Variants in PCSK6 observed in about 807,000 individuals in gnomAD.
The protein encoded by PCSK6 is paired basic amino acid cleaving enzyme 4.
PCSK6 carries 85 observed loss-of-function variants against 123.3 expected under a neutral mutation model. The ratio of observed to expected loss-of-function variants is 0.69; its 90% CI spans 0.58 to 0.83. The LOEUF is 0.83. Among genes scored for constraint, PCSK6 ranks in the 40% least tolerant of loss-of-function variants. PCSK6 has a pLI of 0.00. For missense variants in PCSK6, 1,191 were observed against 1,282.3 expected (o/e 0.93, Z 1.09); for synonymous variants, 508 against 516.0 (o/e 0.98, Z 0.21).
At chr15:101,427,840 G>T in intron 6 of PCSK6, 52 bp downstream of exon 6, 2 of 1,415,036 alleles carry the variant, frequency 1.4e-6, no homozygotes, top group Non-Finnish European at 1.9e-6. Context: ...GGAGCTCCCA[G>T]CTGCCCCTGC....
rs139778107 is a variant in PCSK6, at chr15:101,355,725, G to C, written c.1858+10471C>G. Among the ~76,000 whole-genome samples the C allele has an allele frequency of 4.7e-3, 713 of 152,386 alleles. 2 individuals carry two copies. Among genetic ancestry groups the C allele is most frequent in the Middle Eastern group, 0.017 (5 of 294 alleles). The stretch of plus-strand genomic sequence containing the variant: ...AGAGCACTTTGCATGCATCCGGCAT[G>C]CCCATGGGGGCCCCAGGTCATGAGG... On this transcript the variant is annotated intron_variant, in intron 13 of 21. Transcript: ENST00000611716.
At chr15:101,347,308 C>A (rs1406126338) in intron 13 of PCSK6, 15 of 1,233,308 alleles carry the variant, frequency 1.2e-5, no homozygotes, top group Non-Finnish European at 1.5e-5. Context: ...CAATAAAACA[C>A]AGATCAAGAT....
At chr15:101,412,092 A>T (rs1055926089) in intron 6 of PCSK6, among the ~76,000 whole-genome samples, 11 of 152,274 alleles carry the variant, frequency 7.2e-5, no homozygotes, top group African/African-American at 2.6e-4. Context: ...GAGACTTCCC[A>T]CGCTTGGGTA....
In PCSK6 at chr15:101,483,075, C is replaced by A. The variant is rs117189084; in HGVS notation, c.297+6299G>T. 3.9e-3 allele frequency among the ~76,000 whole-genome samples: 591 copies of A among 152,342 alleles called. 6 individuals carry two copies. Among genetic ancestry groups the A allele is most frequent in the East Asian group, 0.021 (107 of 5,184 alleles). Reference sequence around the variant, plus strand: ...TCTGTCCCTCAGTTCACACCCAGAACCTCTCGCAGGCCAGCCGCGCACAGC... The same window carrying A: ...TCTGTCCCTCAGTTCACACCCAGAAACTCTCGCAGGCCAGCCGCGCACAGC... On this transcript the variant is annotated intron_variant, in intron 1 of 21. Coordinates refer to ENST00000611716, the MANE Select transcript of PCSK6 (RefSeq NM_002570.5).
chr15:101,305,049 C>G lies in PCSK6; in HGVS notation c.*209G>C. Reference sequence around the variant, plus strand: ...TTGTCGGAAGACTGGAGCCAACAAGCAGCATTTGAGAGGATATCACCATTT... The same window carrying G: ...TTGTCGGAAGACTGGAGCCAACAAGGAGCATTTGAGAGGATATCACCATTT... On this transcript the variant is annotated 3_prime_UTR_variant, in exon 22 of 22. Transcript: ENST00000611716. The surrounding 1 kb of genome is among the most constrained non-coding windows in gnomAD (Gnocchi z 4.8). 1.9e-6 allele frequency: 1 copy of G among 539,012 alleles called. No individual in the cohort carries two copies. Among genetic ancestry groups the G allele is most frequent in the Non-Finnish European group, 3.3e-6 (1 of 302,148 alleles). 33.4% of individuals were successfully genotyped at this position (539,012 alleles called of 1,614,324 possible).
intron 9 of PCSK6, among the ~76,000 whole-genome samples, chr15:101,388,644 G>A (rs1396240761): frequency 6.6e-6 from 1 of 152,188 alleles, no homozygotes; most frequent in Non-Finnish European, 1.5e-5. Context: ...GCCAGCCCCT[G>A]TGTCCTACAA....
chr15:101,379,955 G>A (rs572913981), intron 11 of PCSK6, among the ~76,000 whole-genome samples: 1 of 152,242 alleles, frequency 6.6e-6, no homozygotes, highest in African/African-American at 2.4e-5. Context: ...AGGCCCGTAT[G>A]TCCTCTGCAA....
intron 13 of PCSK6, among the ~76,000 whole-genome samples, chr15:101,355,216 A>AT (rs1278979035): frequency 1.3e-5 from 2 of 152,232 alleles, no homozygotes; most frequent in South Asian, 2.1e-4. Flanking sequence ...GTGACACAGG[A>AT]TTTTTTAAAG....
rs12439772 is a variant in PCSK6 at position 101,398,895 on chromosome 15, T to C, written c.824-319A>G. Among the ~76,000 whole-genome samples, 52,630 of 143,146 alleles carry C rather than the reference T, an allele frequency of 0.37. 9,957 individuals are homozygous for C. Among genetic ancestry groups the C allele is most frequent in the Non-Finnish European group, 0.45 (29,452 of 65,556 alleles). The allele number at this position is 143,146 out of a possible 152,430, so 93.9% of individuals were successfully genotyped here. A position where few individuals can be genotyped will look rare whatever the true frequency, so the allele number is the denominator to read the frequency against. ...TAAAAAACAAGACCTATTATTATTATTATTATTATTTATTATTATTATTTT... is the reference window on the plus strand; with the variant it reads ...TAAAAAACAAGACCTATTATTATTACTATTATTATTTATTATTATTATTTT... On this transcript the variant is annotated intron_variant, in intron 6 of 21. Coordinates refer to ENST00000611716, the MANE Select transcript of PCSK6 (RefSeq NM_002570.5). The surrounding 1 kb of genome is among the most constrained non-coding windows in gnomAD (Gnocchi z 4.6).
chr15:101,383,682 G>A (rs866241851), intron 10 of PCSK6, among the ~76,000 whole-genome samples: 1 of 152,138 alleles, frequency 6.6e-6, no homozygotes, highest in African/African-American at 2.4e-5. Context: ...TACAGATGAG[G>A]AAACTGAAGG....
chr15:101,305,150 G>T lies in PCSK6; in HGVS notation c.*108C>A. 1 of 895,998 alleles carries T rather than the reference G, an allele frequency of 1.1e-6. No homozygotes were observed. The highest frequency in any genetic ancestry group is 1.8e-6 in the Non-Finnish European group (1 of 570,878). The allele number at this position is 895,998 out of a possible 1,614,324, so 55.5% of individuals were successfully genotyped here. On this transcript the variant is annotated 3_prime_UTR_variant, in exon 22 of 22. Coordinates refer to ENST00000611716, the MANE Select transcript of PCSK6 (RefSeq NM_002570.5). This position sits in a 1 kb window ranked among gnomAD's most constrained non-coding sequence, Gnocchi z 4.8. ...ATGCTGCTCCTGGGGAGATAAAGCT[G>T]TCAGGTGCAGGGCGCCGCTCCTGAA... is the stretch of plus-strand genomic sequence containing the variant.
At chr15:101,345,054 C>A (rs2040699186) in intron 13 of PCSK6, among the ~76,000 whole-genome samples, 1 of 152,160 alleles carries the variant, frequency 6.6e-6, no homozygotes, top group Non-Finnish European at 1.5e-5. Context: ...TTTGTGGGTT[C>A]TAGTTACACA....
At position 101,304,975 on chromosome 15, in the gene PCSK6, T is replaced by A; in HGVS notation, c.*283A>T. Reference sequence around the variant, plus strand: ...GTAAACTTATGGTCCCAGAAGCTGCTCCAAAGCCAGAGCTGTGGATTCCCA... The same window carrying A: ...GTAAACTTATGGTCCCAGAAGCTGCACCAAAGCCAGAGCTGTGGATTCCCA... On this transcript the variant is annotated 3_prime_UTR_variant, in exon 22 of 22. Transcript: ENST00000611716. 1 of 414,298 alleles carries A rather than the reference T, an allele frequency of 2.4e-6. No homozygotes were observed. The allele number at this position is 414,298 out of a possible 1,614,324, so 25.7% of individuals were successfully genotyped here.
chr15:101,412,712 T>TATATATATATATA (rs376981204), intron 6 of PCSK6, among the ~76,000 whole-genome samples: 1 of 136,366 alleles, frequency 7.3e-6, no homozygotes, highest in African/African-American at 3.1e-5. Context: ...TATATATATA[T>TATATATATATATA]AAAATTACCC....
chr15:101,370,311 A>T (rs759478598), intron 12 of PCSK6, 24 bp downstream of exon 12: 2 of 1,494,166 alleles, frequency 1.3e-6, no homozygotes, highest in Non-Finnish European at 9.0e-7. Context: ...CCCAGACCCC[A>T]TCCCCACGCC....
chr15:101,374,998 G>A (rs1343050110), intron 11 of PCSK6, among the ~76,000 whole-genome samples: 1 of 151,568 alleles, frequency 6.6e-6, no homozygotes, highest in Non-Finnish European at 1.5e-5. Context: ...CTGTCCGCAG[G>A]CTGGAGTGCA....
rs952636847 is a variant in PCSK6, at chr15:101,339,734, C to T, written c.1859-7703G>A. On this transcript the variant is annotated intron_variant, in intron 13 of 21. Transcript: ENST00000611716. ...CCAGCCTGGCAACATAGTGAGACTCCGTTTCTACAAAAAATAAAATAGAAA... is the reference window on the plus strand; with the variant it reads ...CCAGCCTGGCAACATAGTGAGACTCTGTTTCTACAAAAAATAAAATAGAAA... 1.6e-4 allele frequency among the ~76,000 whole-genome samples: 25 copies of T among 151,982 alleles called. No homozygotes were observed. In the East Asian group the frequency reaches 3.3e-3, roughly 20 times the overall value.
chr15:101,403,109 A>G (rs982721972), intron 6 of PCSK6, among the ~76,000 whole-genome samples: 2 of 152,076 alleles, frequency 1.3e-5, no homozygotes, highest in South Asian at 2.1e-4. Flanking sequence ...TGATGAGTTC[A>G]TGTCCTTTGT....
At chr15:101,448,571 G>C (rs2056951976) in intron 1 of PCSK6, among the ~76,000 whole-genome samples, 1 of 152,220 alleles carries the variant, frequency 6.6e-6, no homozygotes, top group South Asian at 2.1e-4. Flanking sequence ...ATTCCAGGCA[G>C]CAAGCTTGGA....
Sources: allele counts gnomAD v4.1 joint callset (sites outside exome capture counted in the v4.1 genomes callset), GRCh38; gene constraint gnomAD v4.1.1; non-coding constraint Gnocchi (gnomAD v3.1); transcripts MANE v1.5; gene names NCBI Gene and HGNC (gene_info 2026-07-23, HGNC 2026-07-21).